ACVR2A: variants seen among roughly 807,000 people sequenced by gnomAD.
ACVR2A encodes activin receptor type-2A.
Under a neutral mutation model 61.4 loss-of-function variants are expected in ACVR2A, and 7 were observed. The ratio of observed to expected loss-of-function variants is 0.11; its 90% CI spans 0.06 to 0.21. The LOEUF is 0.21. Among genes scored for constraint, ACVR2A ranks in the 10% least tolerant of loss-of-function variants. The probability of loss-of-function intolerance (pLI) is 1.00; values close to 1 mark genes in which losing one functional copy is unlikely to be tolerated. For missense variants in ACVR2A, 322 were observed against 621.7 expected, an observed-to-expected ratio of 0.52 and a Z score of 5.13; for synonymous variants, 193 against 208.3, an observed-to-expected ratio of 0.93 and a Z score of 0.63.
At chr2:147,857,439 A>G (rs1259894600) in intron 1 of ACVR2A, among the ~76,000 whole-genome samples, 3 of 151,896 alleles carry the variant, frequency 2.0e-5, no homozygotes, top group African/African-American at 4.8e-5. Flanking sequence ...AGAACCATTG[A>G]AACGTTATTT....
chr2:147,896,721 G>A, intron 2 of ACVR2A: 3 of 504,004 alleles, frequency 6.0e-6, no homozygotes, highest in Non-Finnish European at 1.1e-5. Flanking sequence ...GATATATTTT[G>A]AATAATCTAC....
intron 9 of ACVR2A, 123 bp downstream of exon 9, chr2:147,923,234 G>C: frequency 8.9e-7 from 1 of 1,117,748 alleles, no homozygotes; most frequent in Non-Finnish European, 1.2e-6. Flanking sequence ...CCAAGAGATG[G>C]TAGAGAATTC....
chr2:147,885,264 G>A (rs1384223567), intron 1 of ACVR2A, among the ~76,000 whole-genome samples: 2 of 152,032 alleles, frequency 1.3e-5, no homozygotes, highest in Non-Finnish European at 2.9e-5. Flanking sequence ...TCCTTAAAAA[G>A]TTTTTCATAT....
rs1490498075 is a variant in ACVR2A, at chr2:147,927,105, T to C, written c.1373T>C (p.Ile458Thr). 2 of 1,611,644 alleles carry C rather than the reference T, an allele frequency of 1.2e-6. No individual in the cohort carries two copies. Among genetic ancestry groups the C allele is most frequent in the Admixed American group, 1.7e-5 (1 of 59,774 alleles). Residue 458 changes from isoleucine (I) to threonine (T), a missense_variant, in exon 11 of 11, where the codon ATT (isoleucine) becomes ACT (threonine). By Grantham distance (89) the Ile-to-Thr change is moderately conservative. Coordinates refer to ENST00000241416, the MANE Select transcript of ACVR2A (RefSeq NM_001616.5). ...GGAATGGCAATGCTCTGTGAAACCA[T>C]TGAAGAATGTTGGGATCACGACGCA... ...HAGMAMLCET[I>T]EECWDHDAEA... is the part of the protein sequence containing the mutation.
intron 1 of ACVR2A, among the ~76,000 whole-genome samples, chr2:147,890,490 A>G (rs10497024): frequency 0.26 from 39,552 of 152,014 alleles, 5,970 homozygotes; most frequent in East Asian, 0.46. Context: ...GACCTACATA[A>G]TGGCACTCAG....
rs117280265 is a variant in ACVR2A at position 147,847,494 on chromosome 2, A to G, written c.55+2287A>G. 1.0e-3 allele frequency among the ~76,000 whole-genome samples: 159 copies of G among 152,296 alleles called. No individual in the cohort carries two copies. The East Asian group carries it at 0.026, about 24-fold the overall frequency. ...CTCAGGTTGTCAGTTTTTCATTTCT[A>G]GATATTTGATTTTTTTTAAAAATCA... On this transcript the variant is annotated intron_variant, in intron 1 of 10. Transcript: ENST00000241416.
intron 1 of ACVR2A, among the ~76,000 whole-genome samples, chr2:147,862,027 A>G (rs970539501): frequency 1.3e-5 from 2 of 152,168 alleles, no homozygotes; most frequent in African/African-American, 4.8e-5. Flanking sequence ...TGAAGTCACT[A>G]ATCAGTGGAG....
At chr2:147,858,789 A>G (rs1303006117) in intron 1 of ACVR2A, among the ~76,000 whole-genome samples, 1 of 152,232 alleles carries the variant, frequency 6.6e-6, no homozygotes, top group Middle Eastern at 3.2e-3. Flanking sequence ...CAGTCAGACA[A>G]TATGTAAATA....
chr2:147,884,771 T>C lies in ACVR2A; in HGVS notation c.56-11530T>C, dbSNP rs139020920. Among the ~76,000 whole-genome samples the C allele has an allele frequency of 7.9e-5, 12 of 152,320 alleles. No homozygotes were observed. The East Asian group carries it at 2.3e-3, about 29-fold the overall frequency. ...GATACCTGTGGCCTTTCAGCATAGATATTGTATACCCCTTGTTTTTATTGG... is the reference window on the plus strand; with the variant it reads ...GATACCTGTGGCCTTTCAGCATAGACATTGTATACCCCTTGTTTTTATTGG... On this transcript the variant is annotated intron_variant, in intron 1 of 10. Transcript: ENST00000241416.
At chr2:147,845,699 C>T (rs1685294573) in intron 1 of ACVR2A, among the ~76,000 whole-genome samples, 2 of 152,190 alleles carry the variant, frequency 1.3e-5, no homozygotes, top group South Asian at 4.1e-4. Flanking sequence ...GGAAACAATA[C>T]ATCCTATCAG....
At chr2:147,903,853 C>G (rs1026320371) in intron 4 of ACVR2A, among the ~76,000 whole-genome samples, 1 of 151,908 alleles carries the variant, frequency 6.6e-6, no homozygotes, top group Non-Finnish European at 1.5e-5. Flanking sequence ...GTAATTACTG[C>G]TGTGTCTTAC....
chr2:147,918,370 T>C (rs1205605145), intron 6 of ACVR2A, 77 bp from the exon 7 acceptor site: 8 of 1,286,990 alleles, frequency 6.2e-6, no homozygotes, highest in African/African-American at 3.1e-5. Context: ...CAACCTCTTA[T>C]AGGTAAAAAG....
Position 147,904,183 on chromosome 2 carries a change from A to G in ACVR2A, c.528+4285A>G, listed in dbSNP as rs376106709. Among the ~76,000 whole-genome samples the G allele has an allele frequency of 8.5e-5, 13 of 152,152 alleles. No homozygotes were observed. In the East Asian group the frequency reaches 2.1e-3, roughly 25 times the overall value. ...GCCTGTGCTGAAACTATCTTCCCACATATAGGAAGATGCTTTTATAATATG... is the reference window on the plus strand; with the variant it reads ...GCCTGTGCTGAAACTATCTTCCCACGTATAGGAAGATGCTTTTATAATATG... On this transcript the variant is annotated intron_variant, in intron 4 of 10. Transcript: ENST00000241416.
chr2:147,901,709 C>T (rs1686875367), intron 4 of ACVR2A, among the ~76,000 whole-genome samples: 1 of 151,930 alleles, frequency 6.6e-6, no homozygotes, highest in Non-Finnish European at 1.5e-5. Context: ...GATAAAGTCA[C>T]CTGGTGTGGT....
chr2:147,853,459 G>A (rs1439188861), intron 1 of ACVR2A, among the ~76,000 whole-genome samples: 1 of 152,062 alleles, frequency 6.6e-6, no homozygotes, highest in Non-Finnish European at 1.5e-5. Flanking sequence ...TTCTAAGGAA[G>A]TAGATTTAGA....
intron 4 of ACVR2A, among the ~76,000 whole-genome samples, chr2:147,905,553 C>A (rs1393834084): frequency 6.6e-6 from 1 of 151,250 alleles, no homozygotes; most frequent in East Asian, 1.9e-4. Flanking sequence ...CGTGAGCATT[C>A]TTTTGTGTGT....
intron 1 of ACVR2A, among the ~76,000 whole-genome samples, chr2:147,895,504 A>G (rs929856181): frequency 1.6e-4 from 24 of 152,136 alleles, no homozygotes; most frequent in Non-Finnish European, 2.9e-4. Flanking sequence ...GGACCCATAC[A>G]AAGTGCCACT....
In ACVR2A at chr2:147,906,043, C is replaced by T. The variant is rs555673791; in HGVS notation, c.528+6145C>T. Among the ~76,000 whole-genome samples, 58 of 152,180 alleles carry T rather than the reference C, an allele frequency of 3.8e-4. 1 individual carries two copies. The East Asian group carries it at 6.8e-3, about 18-fold the overall frequency. ...AGTTGATTGGTGCATATGGACCAGACTATATAATTTATCCTCCTTCTCTGG... is the reference window on the plus strand; with the variant it reads ...AGTTGATTGGTGCATATGGACCAGATTATATAATTTATCCTCCTTCTCTGG... On this transcript the variant is annotated intron_variant, in intron 4 of 10. Coordinates refer to ENST00000241416, the MANE Select transcript of ACVR2A (RefSeq NM_001616.5).
At chr2:147,873,967 C>T (rs115698967) in intron 1 of ACVR2A, among the ~76,000 whole-genome samples, 2,925 of 151,904 alleles carry the variant, frequency 0.019, 90 homozygotes, top group African/African-American at 0.067. Context: ...TGGATAGCAG[C>T]GTGGCATGGA....
Sources: allele counts gnomAD v4.1 joint callset (sites outside exome capture counted in the v4.1 genomes callset), GRCh38; gene constraint gnomAD v4.1.1; transcripts MANE v1.5; gene names NCBI Gene and HGNC (gene_info 2026-07-23, HGNC 2026-07-21).